GALNT13: variants seen among roughly 807,000 people sequenced by gnomAD.
GALNT13 encodes the protein polypeptide N-acetylgalactosaminyltransferase 13.
A neutral mutation model predicts 64.2 loss-of-function variants in GALNT13; 28 were observed. The observed-to-expected ratio is 0.44, with a 90% CI of 0.32 to 0.60. The LOEUF (loss-of-function observed/expected upper bound fraction) is 0.60, where lower values mean the gene tolerates loss of function less well. Among genes scored for constraint, GALNT13 ranks in the 20% least tolerant of loss-of-function variants. The pLI is 0.05. For synonymous variants in GALNT13, 214 were observed against 224.6 expected, an observed-to-expected ratio of 0.95 and a Z score of 0.42; for missense variants, 577 against 669.8, an observed-to-expected ratio of 0.86 and a Z score of 1.53.
chr2:154,439,346 A>T (rs1701164163), intron 12 of GALNT13, among the ~76,000 whole-genome samples: 1 of 152,192 alleles, frequency 6.6e-6, no homozygotes, highest in African/African-American at 2.4e-5. Flanking sequence ...ATCAGCCATC[A>T]GATGGAGCTA....
At chr2:153,633,349 A>G in the GALNT13 span, among the ~76,000 whole-genome samples, 1 of 152,204 alleles carries the variant, frequency 6.6e-6, no homozygotes, top group Admixed American at 6.5e-5. Context: ...TGCTTAAGCT[A>G]CACATAAAAT....
the GALNT13 span, among the ~76,000 whole-genome samples, chr2:153,830,865 ATT>A: frequency 6.6e-6 from 1 of 152,132 alleles, no homozygotes; most frequent in Admixed American, 6.6e-5. Flanking sequence ...GTGTTTACGT[ATT>A]CTTTCCTCAT....
the GALNT13 span, among the ~76,000 whole-genome samples, chr2:153,085,666 T>C: frequency 3.3e-5 from 5 of 152,172 alleles, no homozygotes; most frequent in African/African-American, 1.2e-4. Flanking sequence ...TTAAGATGCC[T>C]GGATATCCAG....
At chr2:153,503,096 A>G in the GALNT13 span, among the ~76,000 whole-genome samples, 1 of 151,914 alleles carries the variant, frequency 6.6e-6, no homozygotes, top group African/African-American at 2.4e-5. Context: ...ACTCTCATCT[A>G]TTTATCTTTG....
Position 154,191,061 on chromosome 2 carries a change from A to G in GALNT13, c.311+50556A>G, listed in dbSNP as rs76982679. Among the ~76,000 whole-genome samples, 1,277 of 152,310 alleles carry G rather than the reference A, an allele frequency of 8.4e-3. 20 individuals are homozygous for G. Among genetic ancestry groups the G allele is most frequent in the African/African-American group, 0.028 (1,170 of 41,566 alleles). Reference sequence around the variant, plus strand: ...AATCTACCATCCTTAACATCGTAAAATATTCTCTCTGAACTCAAGGGTTTT... The same window carrying G: ...AATCTACCATCCTTAACATCGTAAAGTATTCTCTCTGAACTCAAGGGTTTT... On this transcript the variant is annotated intron_variant, in intron 4 of 12. Coordinates refer to ENST00000392825, the MANE Select transcript of GALNT13 (RefSeq NM_052917.4).
At chr2:153,414,956 G>A in the GALNT13 span, among the ~76,000 whole-genome samples, 1 of 152,114 alleles carries the variant, frequency 6.6e-6, no homozygotes, top group Admixed American at 6.6e-5. Context: ...GAACAAGGAG[G>A]GAGTTTTAAG....
At chr2:153,241,916 A>G in the GALNT13 span, among the ~76,000 whole-genome samples, 1 of 152,120 alleles carries the variant, frequency 6.6e-6, no homozygotes, top group South Asian at 2.1e-4. Flanking sequence ...CTGGTCAGTT[A>G]TGAACTTTGC....
At chr2:153,702,900 T>C in the GALNT13 span, among the ~76,000 whole-genome samples, 1 of 152,154 alleles carries the variant, frequency 6.6e-6, no homozygotes, top group African/African-American at 2.4e-5. Context: ...TTGATGAGCA[T>C]GAAAAGTCCA....
chr2:154,335,841 C>A (rs1440122502), intron 9 of GALNT13, among the ~76,000 whole-genome samples: 1 of 151,932 alleles, frequency 6.6e-6, no homozygotes, highest in African/African-American at 2.4e-5. Flanking sequence ...AGAAGTTAAA[C>A]TGCTGGAATA....
At chr2:154,314,277 TAAC>T (rs1225931016) in intron 9 of GALNT13, among the ~76,000 whole-genome samples, 3 of 152,172 alleles carry the variant, frequency 2.0e-5, no homozygotes, top group Non-Finnish European at 4.4e-5. Flanking sequence ...TCTAATTTCT[TAAC>T]AAAATTGAAG....
At chr2:153,651,995 T>C in the GALNT13 span, among the ~76,000 whole-genome samples, 1 of 152,184 alleles carries the variant, frequency 6.6e-6, no homozygotes, top group East Asian at 1.9e-4. Flanking sequence ...ACTATCTAGC[T>C]GGTGGAATTC....
At chr2:153,605,603 AC>A in the GALNT13 span, among the ~76,000 whole-genome samples, 1 of 151,920 alleles carries the variant, frequency 6.6e-6, no homozygotes, top group Non-Finnish European at 1.5e-5. Flanking sequence ...TCTTATCTTC[AC>A]TTTTTGCAGT....
the GALNT13 span, among the ~76,000 whole-genome samples, chr2:153,609,587 C>G: frequency 1.3e-5 from 2 of 152,142 alleles, no homozygotes; most frequent in East Asian, 3.9e-4. Flanking sequence ...CAAATCCTTT[C>G]CTCTTGAAAG....
At chr2:154,164,187 T>G (rs1684893856) in intron 4 of GALNT13, among the ~76,000 whole-genome samples, 1 of 152,018 alleles carries the variant, frequency 6.6e-6, no homozygotes, top group Admixed American at 6.6e-5. Flanking sequence ...AAAAAATAGT[T>G]AAGAATAGAG....
At chr2:153,176,658 A>G in the GALNT13 span, among the ~76,000 whole-genome samples, 5 of 151,794 alleles carry the variant, frequency 3.3e-5, no homozygotes, top group African/African-American at 1.2e-4. Context: ...CCTTAAAAGG[A>G]GAGAAGGAAA....
chr2:153,449,932 C>G, the GALNT13 span: 1 of 152,198 alleles, frequency 6.6e-6, no homozygotes, highest in Admixed American at 6.5e-5. Flanking sequence ...TTAATAACAT[C>G]ACATTGACCA....
chr2:153,380,850 T>TCCTGAATAATG, the GALNT13 span, among the ~76,000 whole-genome samples: 1 of 152,190 alleles, frequency 6.6e-6, no homozygotes. Context: ...TCAGGCTTAA[T>TCCTGAATAATG]CCTGAATAAT....
chr2:153,663,413 G>T, the GALNT13 span, among the ~76,000 whole-genome samples: 1 of 152,006 alleles, frequency 6.6e-6, no homozygotes, highest in African/African-American at 2.4e-5. Context: ...TCCTTGTAAT[G>T]GTCGATAATA....
At chr2:153,904,046 T>G (rs1416978959) in intron 2 of GALNT13, among the ~76,000 whole-genome samples, 1 of 152,044 alleles carries the variant, frequency 6.6e-6, no homozygotes, top group South Asian at 2.1e-4. Context: ...TTTAGCCTGA[T>G]TTTTAAATTA....
Sources: allele counts gnomAD v4.1 joint callset (sites outside exome capture counted in the v4.1 genomes callset), GRCh38; gene constraint gnomAD v4.1.1; transcripts MANE v1.5; gene names NCBI Gene and HGNC (gene_info 2026-07-23, HGNC 2026-07-21).